Variants in HECW2 observed in about 807,000 individuals in gnomAD.
HECW2 encodes HECT, C2 and WW domain containing E3 ubiquitin protein ligase 2.
A neutral mutation model predicts 175.2 loss-of-function variants in HECW2; 61 were observed. The ratio of observed to expected loss-of-function variants is 0.35; its 90% CI spans 0.28 to 0.43. The LOEUF (loss-of-function observed/expected upper bound fraction) is 0.43, where lower values mean the gene tolerates loss of function less well. Ranked by LOEUF, HECW2 falls within the 20% of genes least tolerant of loss-of-function variation. HECW2 has a pLI of 1.00. For missense variants in HECW2, 1,524 were observed against 2,000.5 expected (o/e 0.76, Z 4.54); for synonymous variants, 671 against 731.0 (o/e 0.92, Z 1.32).
intron 2 of HECW2, among the ~76,000 whole-genome samples, chr2:196,400,400 T>C (rs1050216290): frequency 7.9e-5 from 12 of 152,290 alleles, no homozygotes; most frequent in African/African-American, 1.9e-4. Flanking sequence ...GGAAAAGATA[T>C]AGAATTTTTG....
At chr2:196,275,482 G>A (rs926941503) in intron 15 of HECW2, among the ~76,000 whole-genome samples, 1 of 152,052 alleles carries the variant, frequency 6.6e-6, no homozygotes, top group Non-Finnish European at 1.5e-5. Context: ...GGCCAGGCAC[G>A]GTGGCTCACA....
At chr2:196,383,648 C>T (rs1356987346) in intron 2 of HECW2, among the ~76,000 whole-genome samples, 1 of 152,204 alleles carries the variant, frequency 6.6e-6, no homozygotes, top group African/African-American at 2.4e-5. Flanking sequence ...CCCCACTTCA[C>T]CCAGTTGGCA....
At chr2:196,413,976 C>A (rs1266174508) in intron 2 of HECW2, among the ~76,000 whole-genome samples, 1 of 152,188 alleles carries the variant, frequency 6.6e-6, no homozygotes, top group African/African-American at 2.4e-5. Flanking sequence ...GCAGGTTCTG[C>A]CTTCGTTGTG....
chr2:196,205,709 C>G (rs1687043081), intron 28 of HECW2, among the ~76,000 whole-genome samples: 1 of 152,072 alleles, frequency 6.6e-6, no homozygotes, highest in Non-Finnish European at 1.5e-5. Flanking sequence ...GGTTGCACCC[C>G]TTGTGATTGT....
At chr2:196,436,960 A>G (rs1695895530) in intron 1 of HECW2, among the ~76,000 whole-genome samples, 1 of 152,202 alleles carries the variant, frequency 6.6e-6, no homozygotes, top group Non-Finnish European at 1.5e-5. Flanking sequence ...AAACATATTT[A>G]TAATGGGCTT....
intron 1 of HECW2, among the ~76,000 whole-genome samples, chr2:196,477,056 T>A (rs570030450): frequency 6.2e-4 from 91 of 145,810 alleles, no homozygotes; most frequent in African/African-American, 1.9e-3. Flanking sequence ...GGTGAGAGGA[T>A]CACTTGAGCC....
intron 3 of HECW2, among the ~76,000 whole-genome samples, chr2:196,339,304 A>G (rs1423174035): frequency 6.6e-6 from 1 of 152,228 alleles, no homozygotes; most frequent in Non-Finnish European, 1.5e-5. Context: ...TACCAACCTG[A>G]GCACCACTCA....
At chr2:196,497,137 C>A (rs1687420378) in intron 1 of HECW2, among the ~76,000 whole-genome samples, 1 of 152,120 alleles carries the variant, frequency 6.6e-6, no homozygotes, top group South Asian at 2.1e-4. Context: ...TCTCAAATCC[C>A]AATTCTAAGA....
intron 1 of HECW2, among the ~76,000 whole-genome samples, chr2:196,474,616 G>A (rs1015511650): frequency 1.3e-5 from 2 of 152,326 alleles, no homozygotes; most frequent in South Asian, 2.1e-4. Flanking sequence ...GTACCTTGCT[G>A]TAAGGAAGCT....
chr2:196,473,963 C>A (rs1391446485), intron 1 of HECW2, among the ~76,000 whole-genome samples: 1 of 152,196 alleles, frequency 6.6e-6, no homozygotes, highest in Non-Finnish European at 1.5e-5. Context: ...TGATACAATG[C>A]AGCGAGAATT....
intron 2 of HECW2, among the ~76,000 whole-genome samples, chr2:196,379,352 C>G (rs760380847): frequency 6.6e-6 from 1 of 152,018 alleles, no homozygotes; most frequent in Admixed American, 6.6e-5. Flanking sequence ...TTATACAGGT[C>G]TACACATACG....
At chr2:196,424,204 A>G (rs1053999996) in intron 2 of HECW2, among the ~76,000 whole-genome samples, 1 of 152,064 alleles carries the variant, frequency 6.6e-6, no homozygotes, top group Non-Finnish European at 1.5e-5. Flanking sequence ...TGTGCCCAAG[A>G]CTATAAACTT....
chr2:196,366,441 C>T (rs189922094), intron 2 of HECW2, among the ~76,000 whole-genome samples: 1 of 152,226 alleles, frequency 6.6e-6, no homozygotes, highest in African/African-American at 2.4e-5. Context: ...CTTTCGTACA[C>T]AAAAATAAAT....
In HECW2 at chr2:196,559,685, C is replaced by T. The variant is rs1321988938; in HGVS notation, c.-36+33823G>A. On this transcript the variant is annotated intron_variant, in intron 1 of 28. Transcript: ENST00000644978. ...AATTATAACTTCGACAATTTAGCCA[C>T]CTTTAGAAAGAATACAGAAAGCAGA... Among the ~76,000 whole-genome samples, 8 of 152,106 alleles carry T rather than the reference C, an allele frequency of 5.3e-5. No individual in the cohort carries two copies. The East Asian group carries it at 1.5e-3, about 29-fold the overall frequency.
At chr2:196,291,733 C>A (rs556262201) in intron 14 of HECW2, 1 of 152,320 alleles carries the variant, frequency 6.6e-6, no homozygotes, top group African/African-American at 2.4e-5. Flanking sequence ...TCAGGCAAGT[C>A]ACTGAACCAT....
chr2:196,295,160 T>C (rs910154710), intron 13 of HECW2, among the ~76,000 whole-genome samples: 11 of 152,116 alleles, frequency 7.2e-5, no homozygotes, highest in Non-Finnish European at 1.5e-4. Context: ...TGAGCAGTTG[T>C]GTGGTTCAGA....
intron 1 of HECW2, among the ~76,000 whole-genome samples, chr2:196,519,798 C>T (rs541643702): frequency 2.6e-5 from 4 of 152,212 alleles, no homozygotes; most frequent in Middle Eastern, 3.4e-3. Context: ...CTTTAAAATA[C>T]GAGAACTATA....
chr2:196,277,294 C>T (rs1209044603), intron 15 of HECW2, among the ~76,000 whole-genome samples: 2 of 152,076 alleles, frequency 1.3e-5, no homozygotes, highest in Admixed American at 1.3e-4. Flanking sequence ...CCTTTTTCTC[C>T]AGGCACATAA....
intron 2 of HECW2, among the ~76,000 whole-genome samples, chr2:196,373,888 C>T (rs1361608362): frequency 1.3e-5 from 2 of 151,586 alleles, no homozygotes; most frequent in Non-Finnish European, 2.9e-5. Context: ...AAAAATTAGC[C>T]GGGCGTAGTG....
Sources: allele counts gnomAD v4.1 joint callset (sites outside exome capture counted in the v4.1 genomes callset), GRCh38; gene constraint gnomAD v4.1.1; transcripts MANE v1.5; gene names NCBI Gene and HGNC (gene_info 2026-07-23, HGNC 2026-07-21).